STK31: variants seen among roughly 807,000 people sequenced by gnomAD.
STK31 encodes the protein serine/threonine kinase 31.
A neutral mutation model predicts 129.7 loss-of-function variants in STK31; 89 were observed. The observed-to-expected ratio is 0.69, with a 90% CI of 0.58 to 0.82. The LOEUF (loss-of-function observed/expected upper bound fraction) is 0.82, where lower values mean the gene tolerates loss of function less well. Among genes scored for constraint, STK31 ranks in the 40% least tolerant of loss-of-function variants. The pLI, the probability that STK31 is intolerant of heterozygous loss-of-function variation, is 0.00. For missense variants in STK31, 1,187 were observed against 1,176.4 expected (o/e 1.01, Z -0.13); for synonymous variants, 448 against 395.3 (o/e 1.13, Z -1.58).
rs748588198 is a variant in STK31 at position 23,772,205 on chromosome 7, C to T, written c.1892C>T (p.Ser631Phe). 1.8e-5 allele frequency: 29 copies of T among 1,604,496 alleles called. No homozygotes were observed. The highest frequency in any genetic ancestry group is 2.5e-5 in the Non-Finnish European group (29 of 1,175,494). ...NKSPSVDHLL[S>F]IKKTLKSLKA... is the part of the protein sequence containing the mutation. ...AGTCCCAGTGTGGATCACTTGCTAT[C>T]CATTAAGAAGACATTGAAAAGCTTA... is the stretch of plus-strand genomic sequence containing the variant. Residue 631 changes from serine (S) to phenylalanine (F), a missense_variant, in exon 15 of 24, where the codon TCC (serine) becomes TTC (phenylalanine). Transcript: ENST00000355870.
At chr7:23,791,674 C>T (rs913469550) in intron 22 of STK31, among the ~76,000 whole-genome samples, 14 of 152,174 alleles carry the variant, frequency 9.2e-5, no homozygotes, top group African/African-American at 2.7e-4. Context: ...TGCTATTTTA[C>T]GTAGAGAATG....
intron 1 of STK31, 143 bp from the exon 2 acceptor site, chr7:23,711,956 T>C: frequency 1.5e-6 from 1 of 654,150 alleles, no homozygotes; most frequent in East Asian, 2.8e-5. Flanking sequence ...GAAGGAAATA[T>C]TGAGCTCATT....
rs1790244835 is a variant in STK31, at chr7:23,772,221, GA to G, written c.1912del (p.Ser638AlafsTer2). ...ACTTGCTATCCATTAAGAAGACATT[GA>G]AAAGCTTAAAAGCTCTACTCAGATG... is the stretch of plus-strand genomic sequence containing the variant. ...DHLLSIKKTL[K>X]SLKALLRWKL... On this transcript the variant is annotated frameshift_variant, in exon 15 of 24. Transcript: ENST00000355870. LOFTEE classifies it high-confidence loss of function. 2 of 1,608,858 alleles carry G rather than the reference GA, an allele frequency of 1.2e-6. No homozygotes were observed. The highest frequency in any genetic ancestry group is 8.5e-7 in the Non-Finnish European group (1 of 1,177,908).
intron 22 of STK31, among the ~76,000 whole-genome samples, chr7:23,793,615 A>G (rs1186379161): frequency 6.6e-6 from 1 of 152,246 alleles, no homozygotes; most frequent in African/African-American, 2.4e-5. Context: ...TCCACATGGC[A>G]TGTAAGCATG....
At chr7:23,810,681 TAGATATTATATATA>T (rs1464509357) in intron 22 of STK31, among the ~76,000 whole-genome samples, 1 of 126,112 alleles carries the variant, frequency 7.9e-6, no homozygotes, top group African/African-American at 3.1e-5. Flanking sequence ...ATATATAAAA[TAGATATTATATATA>T]AAATAGATAT....
chr7:23,710,444 T>A, intron 1 of STK31, 109 bp downstream of exon 1: 1 of 1,584,362 alleles, frequency 6.3e-7, no homozygotes, highest in Non-Finnish European at 8.6e-7. Context: ...ATTTCAGGGT[T>A]TTCTGTCACC....
At chr7:23,811,216 C>G (rs1793112765) in intron 22 of STK31, 1 of 261,684 alleles carries the variant, frequency 3.8e-6, no homozygotes, top group African/African-American at 2.3e-5. Context: ...AGTAGTTTAG[C>G]AGAGCAACTG....
chr7:23,831,808 T>C (rs1473708233), intron 23 of STK31, among the ~76,000 whole-genome samples: 1 of 152,208 alleles, frequency 6.6e-6, no homozygotes, highest in Non-Finnish European at 1.5e-5. Flanking sequence ...ACTCTCTTAG[T>C]AGAGACGGGG....
chr7:23,827,762 A>G (rs566705418), intron 23 of STK31, among the ~76,000 whole-genome samples: 1 of 152,068 alleles, frequency 6.6e-6, no homozygotes, highest in African/African-American at 2.4e-5. Context: ...TGACGTACAG[A>G]TGGGTTTTTG....
chr7:23,778,914 T>C (rs899169223), intron 15 of STK31, among the ~76,000 whole-genome samples: 1 of 152,132 alleles, frequency 6.6e-6, no homozygotes, highest in Non-Finnish European at 1.5e-5. Flanking sequence ...AGAAAAGATG[T>C]TCTGGTTTTT....
intron 22 of STK31, among the ~76,000 whole-genome samples, chr7:23,797,288 C>A (rs909700350): frequency 7.2e-5 from 11 of 152,164 alleles, no homozygotes; most frequent in African/African-American, 2.4e-4. Flanking sequence ...ACAGAACTCT[C>A]CACCCCAAAT....
intron 11 of STK31, among the ~76,000 whole-genome samples, chr7:23,764,767 G>A (rs922520302): frequency 2.0e-4 from 30 of 151,832 alleles, no homozygotes; most frequent in African/African-American, 6.8e-4. Context: ...GTATTTCAGC[G>A]CCACATTGTT....
chr7:23,733,822 TA>T (rs894132858), intron 6 of STK31, among the ~76,000 whole-genome samples: 23 of 148,358 alleles, frequency 1.6e-4, no homozygotes, highest in African/African-American at 3.9e-4. Context: ...AATAAAAAAA[TA>T]AAAAAAAAAT....
chr7:23,756,596 G>A (rs117523513), intron 10 of STK31, among the ~76,000 whole-genome samples: 1 of 152,172 alleles, frequency 6.6e-6, no homozygotes, highest in African/African-American at 2.4e-5. Flanking sequence ...AATGCTTCCA[G>A]CATTTGCCCA....
intron 8 of STK31, among the ~76,000 whole-genome samples, chr7:23,738,340 C>T (rs1049273794): frequency 6.6e-6 from 1 of 152,234 alleles, no homozygotes; most frequent in Non-Finnish European, 1.5e-5. Context: ...TGTTTATCAA[C>T]CCAGAAGCTC....
intron 8 of STK31, among the ~76,000 whole-genome samples, chr7:23,744,347 A>T (rs1788227794): frequency 6.7e-6 from 1 of 148,672 alleles, no homozygotes. Context: ...TATAACCTGA[A>T]TTGTTTTTCT....
At chr7:23,826,050 G>T (rs1328131593) in intron 23 of STK31, among the ~76,000 whole-genome samples, 1 of 152,122 alleles carries the variant, frequency 6.6e-6, no homozygotes, top group Non-Finnish European at 1.5e-5. Flanking sequence ...GGTGTGGTGT[G>T]GTGCTGAAAA....
chr7:23,821,191 T>C (rs1793766506), intron 23 of STK31, among the ~76,000 whole-genome samples: 2 of 152,210 alleles, frequency 1.3e-5, no homozygotes, highest in Non-Finnish European at 2.9e-5. Flanking sequence ...TGTATGATAG[T>C]TCCATTTTTA....
At chr7:23,832,065 G>T (rs1170524988) in intron 23 of STK31, 71 bp from the exon 24 acceptor site, 1 of 1,103,436 alleles carries the variant, frequency 9.1e-7, no homozygotes, top group African/African-American at 1.6e-5. Flanking sequence ...GAAAAAATAA[G>T]TCCACTTCCT....
Sources: allele counts gnomAD v4.1 joint callset (sites outside exome capture counted in the v4.1 genomes callset), GRCh38; gene constraint gnomAD v4.1.1; transcripts MANE v1.5; gene names NCBI Gene and HGNC (gene_info 2026-07-23, HGNC 2026-07-21).